The following FGD2 variants were observed in gnomAD, a reference collection of about 807,000 sequenced individuals.
FGD2 encodes FYVE, RhoGEF and PH domain-containing protein 2.
Under a neutral mutation model 75.9 loss-of-function variants are expected in FGD2, and 52 were observed. That is an observed-to-expected ratio of 0.69 (90% CI 0.55 to 0.86). The LOEUF is 0.86. FGD2 is among the 40% of genes least tolerant of loss of function. The pLI is 0.00. For missense variants in FGD2, 790 were observed against 872.0 expected, an observed-to-expected ratio of 0.91 and a Z score of 1.18; for synonymous variants, 347 against 348.6, an observed-to-expected ratio of 1.00 and a Z score of 0.05.
At chr6:37,015,682 C>G in intron 8 of FGD2, 86 bp from the exon 9 acceptor site, 1 of 1,246,812 alleles carries the variant, frequency 8.0e-7, no homozygotes, top group Non-Finnish European at 1.1e-6. Flanking sequence ...GGTGCTCAGC[C>G]CATGCTCGGC....
intron 2 of FGD2, chr6:37,009,492 C>T (rs973362969): frequency 1.2e-5 from 2 of 160,956 alleles, no homozygotes; most frequent in African/African-American, 4.8e-5. Flanking sequence ...CCAGTCTGAT[C>T]TCTTCTGTGG....
intron 14 of FGD2, chr6:37,026,241 C>T (rs1023596099): frequency 1.0e-6 from 1 of 985,320 alleles, no homozygotes; most frequent in Non-Finnish European, 1.2e-6. Flanking sequence ...ATGTTCACGT[C>T]CCCATGTCCT....
rs770074264 is a variant in FGD2, at chr6:37,020,589, G to A, written c.1171G>A (p.Gly391Arg). 3 of 1,607,730 alleles carry A rather than the reference G, an allele frequency of 1.9e-6. No individual in the cohort carries two copies. The highest frequency in any genetic ancestry group is 2.7e-5 in the African/African-American group (2 of 74,844). Residue 391 changes from glycine (G) to arginine (R), a missense_variant, in exon 10 of 16, where the codon GGG (glycine) becomes AGG (arginine). Physicochemically the swap from Gly to Arg is moderately radical, Grantham distance 125. Coordinates refer to ENST00000274963, the MANE Select transcript of FGD2 (RefSeq NM_173558.4). ...GTTTCCCCACTCCTTCCTGGTGTCC[G>A]GGAAGCAGCGCACCCTGGAGCTGCA... ...AEFPHSFLVS[G>R]KQRTLELQAR...
At position 37,026,063 on chromosome 6, in the gene FGD2, C is replaced by A. The variant is rs563890502; in HGVS notation, c.1605+125C>A. 2.6e-4 allele frequency: 384 copies of A among 1,473,370 alleles called. 1 individual carries two copies. In the African/African-American group the frequency reaches 4.6e-3, roughly 18 times the overall value. The allele number at this position is 1,473,370 out of a possible 1,614,324, so 91.3% of individuals were successfully genotyped here. On this transcript the variant is annotated intron_variant, in intron 14 of 15. Coordinates refer to ENST00000274963, the MANE Select transcript of FGD2 (RefSeq NM_173558.4). The stretch of plus-strand genomic sequence containing the variant: ...GCCAGCCATGGTCACACCCTCCCCC[C>A]TCTCCCTCTTCCTCTCTCTGCCCAC...
Position 37,022,373 on chromosome 6 carries a change from G to T in FGD2, c.1458+3G>T. The T allele has an allele frequency of 6.4e-7, 1 of 1,572,266 alleles. No homozygotes were observed. Among genetic ancestry groups the T allele is most frequent in the Non-Finnish European group, 8.6e-7 (1 of 1,162,170 alleles). On this transcript the variant is annotated splice_donor_region_variant and intron_variant, in intron 13 of 15. Transcript: ENST00000274963. ...ACCACTGCCGGGCCTGCGGCTATGT[G>T]AGTACTCCTGCCAGCACTCCTGCCT...
In FGD2 at chr6:37,010,382, C is replaced by T. The variant is rs193241135; in HGVS notation, c.301-591C>T. Among the ~76,000 whole-genome samples the T allele has an allele frequency of 6.8e-4, 104 of 152,296 alleles. 3 individuals carry two copies. Among genetic ancestry groups the T allele is most frequent in the Admixed American group, 6.6e-3 (101 of 15,300 alleles). On this transcript the variant is annotated intron_variant, in intron 2 of 15. Transcript: ENST00000274963. Reference sequence around the variant, plus strand: ...CAGTTTAGTGCCCTACTCTTATCATCGCATTTAACCTCAATTACCTCCTCC... The same window carrying T: ...CAGTTTAGTGCCCTACTCTTATCATTGCATTTAACCTCAATTACCTCCTCC...
At chr6:37,009,398 C>A in intron 2 of FGD2, 1 of 239,810 alleles carries the variant, frequency 4.2e-6, no homozygotes, top group South Asian at 6.2e-5. Context: ...CAGGTGGGGC[C>A]TCAGTTTACC....
rs1315517186 is a variant in FGD2 at position 37,011,725 on chromosome 6, T to G, written c.398T>G (p.Leu133Arg). Residue 133 changes from leucine to arginine, a missense_variant, in exon 4 of 16, where the codon CTG becomes CGG. Physicochemically the swap from Leu to Arg is moderately radical, Grantham distance 102. Coordinates refer to ENST00000274963, the MANE Select transcript of FGD2 (RefSeq NM_173558.4). ...CTACAGGTGTTTTTCCAGGAGCTGCTGAAGACAGCCCGCAGCAGCAAGGCC... is the reference window on the plus strand; with the variant it reads ...CTACAGGTGTTTTTCCAGGAGCTGCGGAAGACAGCCCGCAGCAGCAAGGCC... ...LLDQVFFQEL[L>R]KTARSSKAFP... 1.2e-6 allele frequency: 2 copies of G among 1,614,040 alleles called. No individual in the cohort carries two copies. Among genetic ancestry groups the G allele is most frequent in the Middle Eastern group, 1.6e-4 (1 of 6,084 alleles).
chr6:37,013,544 C>G, intron 4 of FGD2, 65 bp from the exon 5 acceptor site: 1 of 1,562,958 alleles, frequency 6.4e-7, no homozygotes, highest in Non-Finnish European at 8.7e-7. Context: ...CTGGCCTCAC[C>G]TGGCCCTATC....
chr6:37,027,214 G>A (rs548576825), intron 14 of FGD2, among the ~76,000 whole-genome samples: 1 of 152,270 alleles, frequency 6.6e-6, no homozygotes, highest in Admixed American at 6.5e-5. Context: ...CACGCGACAG[G>A]TTCAGGCAGG....
intron 1 of FGD2, among the ~76,000 whole-genome samples, chr6:37,006,674 A>G (rs991637361): frequency 6.6e-6 from 1 of 152,042 alleles, no homozygotes; most frequent in African/African-American, 2.4e-5. Flanking sequence ...TTCTGCAGGC[A>G]TTTCTTAAGC....
chr6:37,008,821 C>A lies in FGD2; in HGVS notation c.69-13C>A, dbSNP rs776396923. Reference sequence around the variant, plus strand: ...CCAGGGAGGAAGCCCTCAGGTCTGTCTCTTCTCCTCAGGACCCCAGAAGCA... The same window carrying A: ...CCAGGGAGGAAGCCCTCAGGTCTGTATCTTCTCCTCAGGACCCCAGAAGCA... On this transcript the variant is annotated splice_polypyrimidine_tract_variant and intron_variant, in intron 1 of 15. Coordinates refer to ENST00000274963, the MANE Select transcript of FGD2 (RefSeq NM_173558.4). The A allele has an allele frequency of 6.4e-7, 1 of 1,559,058 alleles. No individual in the cohort carries two copies. Among genetic ancestry groups the A allele is most frequent in the East Asian group, 2.3e-5 (1 of 44,008 alleles).
At position 37,013,757 on chromosome 6, in the gene FGD2, C is replaced by G. The variant is rs748104706; in HGVS notation, c.676C>G (p.Arg226Gly). 5.0e-6 allele frequency: 8 copies of G among 1,613,802 alleles called. No homozygotes were observed. Among genetic ancestry groups the G allele is most frequent in the African/African-American group, 1.3e-5 (1 of 74,892 alleles). The change falls in exon 5 of 16, where the codon CGC (arginine) becomes GGC (glycine). Residue 226 changes from arginine to glycine, a missense_variant. Transcript: ENST00000274963. The stretch of plus-strand genomic sequence containing the variant: ...TCCACTCTTCCAGGAGGTTCTCACT[C>G]GCATCCAGGTGAGGCTGGGGGAGGG... Reference protein sequence around the residue: ...KSPLFQEVLTRIQSSEASGSL... With the variant: ...KSPLFQEVLTGIQSSEASGSL...
chr6:37,020,449 T>C (rs1765522262), intron 9 of FGD2, 92 bp from the exon 10 acceptor site: 1 of 1,225,308 alleles, frequency 8.2e-7, no homozygotes, highest in Admixed American at 2.1e-5. Flanking sequence ...AATTGTCCCT[T>C]GGGCACAATC....
intron 9 of FGD2, among the ~76,000 whole-genome samples, chr6:37,018,560 C>T (rs945627038): frequency 6.6e-6 from 1 of 152,144 alleles, no homozygotes; most frequent in African/African-American, 2.4e-5. Context: ...CTGACTTGGT[C>T]TTAGTATTTT....
At chr6:37,019,067 G>T (rs1765442822) in intron 9 of FGD2, among the ~76,000 whole-genome samples, 1 of 152,170 alleles carries the variant, frequency 6.6e-6, no homozygotes, top group Non-Finnish European at 1.5e-5. Context: ...TCAAAAGCAT[G>T]ATATTTCTTC....
intron 11 of FGD2, 138 bp downstream of exon 11, chr6:37,020,877 T>C: frequency 9.0e-7 from 1 of 1,115,534 alleles, no homozygotes; most frequent in Non-Finnish European, 1.3e-6. Context: ...GAGGGAGTGG[T>C]GTATGTATGC....
intron 9 of FGD2, among the ~76,000 whole-genome samples, chr6:37,017,435 ACCAAG>A (rs1765352902): frequency 6.6e-6 from 1 of 152,238 alleles, no homozygotes; most frequent in Admixed American, 6.5e-5. Context: ...AGTTCGAGTG[ACCAAG>A]CCAGGATTCA....
At chr6:37,018,690 T>C (rs890766487) in intron 9 of FGD2, among the ~76,000 whole-genome samples, 1 of 152,232 alleles carries the variant, frequency 6.6e-6, no homozygotes, top group East Asian at 1.9e-4. Flanking sequence ...TAAGAGGATG[T>C]CTTCTGCAGC....
Sources: gnomAD v4.1 joint callset for allele counts (sites outside exome capture counted in the v4.1 genomes callset) on GRCh38, gnomAD v4.1.1 for gene constraint, MANE v1.5 for transcripts, NCBI Gene and HGNC (gene_info 2026-07-23, HGNC 2026-07-21) for gene names.